Variants in DNMBP observed in about 807,000 individuals in gnomAD.
The protein encoded by DNMBP is dynamin binding protein, also known as dynamin-binding protein.
A neutral mutation model predicts 150.0 loss-of-function variants in DNMBP; 87 were observed. The ratio of observed to expected loss-of-function variants is 0.58; its 90% CI spans 0.49 to 0.69. The LOEUF is 0.69. Among genes scored for constraint, DNMBP ranks in the 30% least tolerant of loss-of-function variants. The pLI, the probability that DNMBP is intolerant of heterozygous loss-of-function variation, is 0.00. For synonymous variants in DNMBP, 711 were observed against 750.4 expected, an observed-to-expected ratio of 0.95 and a Z score of 0.86; for missense variants, 1,774 against 1,949.0, an observed-to-expected ratio of 0.91 and a Z score of 1.69.
intron 3 of DNMBP, among the ~76,000 whole-genome samples, chr10:99,959,513 A>G (rs1377663094): frequency 6.6e-6 from 1 of 151,764 alleles, no homozygotes. Context: ...CAAAAAAACC[A>G]CCCAAAAAAA....
At chr10:99,986,926 G>A (rs962136460) in intron 1 of DNMBP, among the ~76,000 whole-genome samples, 12 of 150,278 alleles carry the variant, frequency 8.0e-5, no homozygotes, top group African/African-American at 2.0e-4. Flanking sequence ...AGGCCGAGGC[G>A]GGCGGATCAC....
At chr10:99,884,328 C>G in intron 14 of DNMBP, 119 bp from the exon 15 acceptor site, 1 of 849,032 alleles carries the variant, frequency 1.2e-6, no homozygotes, top group Non-Finnish European at 1.8e-6. Context: ...CTGCCCATCT[C>G]ACTCCCATCA....
At chr10:99,968,011 A>G (rs1442687389) in intron 3 of DNMBP, among the ~76,000 whole-genome samples, 1 of 152,120 alleles carries the variant, frequency 6.6e-6, no homozygotes, top group African/African-American at 2.4e-5. Flanking sequence ...ATATTTATAT[A>G]TTTATGTATT....
chr10:99,965,124 A>G (rs887525208), intron 3 of DNMBP, among the ~76,000 whole-genome samples: 16 of 152,306 alleles, frequency 1.1e-4, no homozygotes, highest in Admixed American at 5.9e-4. Context: ...AAGAATAGCT[A>G]GCATTTACTG....
At chr10:99,938,985 ACTAT>A (rs1222825289) in intron 4 of DNMBP, among the ~76,000 whole-genome samples, 1 of 152,142 alleles carries the variant, frequency 6.6e-6, no homozygotes, top group African/African-American at 2.4e-5. Flanking sequence ...GGCCATCATG[ACTAT>A]CTGTGTGATG....
chr10:100,004,979 T>C (rs1033750162), intron 1 of DNMBP, among the ~76,000 whole-genome samples: 1 of 152,086 alleles, frequency 6.6e-6, no homozygotes, highest in Non-Finnish European at 1.5e-5. Flanking sequence ...AATAAGCAAT[T>C]TACAGAGGAA....
chr10:99,909,192 A>T (rs1006323256), intron 4 of DNMBP, 46 bp from the exon 5 acceptor site: 2 of 1,510,270 alleles, frequency 1.3e-6, no homozygotes, highest in African/African-American at 2.8e-5. Context: ...GTGTAAAAGC[A>T]GCACCCTTCC....
At chr10:99,982,572 C>T (rs1489148952) in intron 1 of DNMBP, among the ~76,000 whole-genome samples, 1 of 152,136 alleles carries the variant, frequency 6.6e-6, no homozygotes, top group African/African-American at 2.4e-5. Flanking sequence ...TGGAGACATA[C>T]ATTTTGAAGG....
At position 99,898,053 on chromosome 10, in the gene DNMBP, A is replaced by G. The variant is rs1236305722; in HGVS notation, c.2920+33T>C. 11 of 1,578,602 alleles carry G rather than the reference A, an allele frequency of 7.0e-6. No homozygotes were observed. In the African/African-American group the frequency reaches 1.3e-4, roughly 19 times the overall value. On this transcript the variant is annotated intron_variant, in intron 9 of 16. Transcript: ENST00000324109. ...GAGAAGAAAAGCATTCTCAAAGGGC[A>G]TACCTCCTTTTCAGCAATTATGCTG... is the stretch of plus-strand genomic sequence containing the variant.
chr10:99,994,475 G>A (rs1297118031), intron 1 of DNMBP, among the ~76,000 whole-genome samples: 4 of 152,046 alleles, frequency 2.6e-5, no homozygotes, highest in South Asian at 2.1e-4. Context: ...GGCTCTAGGC[G>A]GGGCCAACTT....
intron 4 of DNMBP, among the ~76,000 whole-genome samples, chr10:99,931,463 A>G (rs1164777798): frequency 7.9e-5 from 12 of 152,180 alleles, no homozygotes; most frequent in Admixed American, 7.2e-4. Context: ...AAGAAAAAGT[A>G]CTTCCTTTTA....
intron 1 of DNMBP, among the ~76,000 whole-genome samples, chr10:100,004,576 A>T (rs1409401901): frequency 6.6e-6 from 1 of 152,186 alleles, no homozygotes; most frequent in Non-Finnish European, 1.5e-5. Context: ...TTGACATGTT[A>T]TTAGAAAAAC....
intron 15 of DNMBP, 84 bp downstream of exon 15, chr10:99,883,927 T>C (rs2039410341): frequency 2.2e-6 from 3 of 1,343,200 alleles, no homozygotes; most frequent in Admixed American, 2.2e-5. Flanking sequence ...TGCTTTTTTT[T>C]CCTGGCCTAG....
chr10:99,890,986 T>C (rs986705886), intron 11 of DNMBP, among the ~76,000 whole-genome samples: 2 of 152,082 alleles, frequency 1.3e-5, no homozygotes, highest in African/African-American at 2.4e-5. Flanking sequence ...AAGTTGGCTA[T>C]TTACTCAATA....
chr10:100,005,071 C>T (rs372061244), intron 1 of DNMBP, among the ~76,000 whole-genome samples: 2 of 152,072 alleles, frequency 1.3e-5, no homozygotes, highest in African/African-American at 2.4e-5. Context: ...TTTGTGCTTA[C>T]GAGATTGAAA....
intron 11 of DNMBP, among the ~76,000 whole-genome samples, chr10:99,891,512 T>C (rs1249954145): frequency 6.6e-6 from 1 of 151,986 alleles, no homozygotes; most frequent in African/African-American, 2.4e-5. Context: ...TGGCGTGATC[T>C]CGGCTCGCTA....
At chr10:99,906,146 A>AT (rs2039822492) in intron 6 of DNMBP, among the ~76,000 whole-genome samples, 1 of 151,898 alleles carries the variant, frequency 6.6e-6, no homozygotes, top group South Asian at 2.1e-4. Flanking sequence ...CAGAACCCTG[A>AT]TTTTTTTCCT....
chr10:99,919,884 A>C (rs759488038), intron 4 of DNMBP, among the ~76,000 whole-genome samples: 1 of 152,212 alleles, frequency 6.6e-6, no homozygotes, highest in African/African-American at 2.4e-5. Context: ...GGAATAGCAA[A>C]ATAACTGGAG....
At chr10:99,945,702 T>C (rs1223811380) in intron 4 of DNMBP, among the ~76,000 whole-genome samples, 1 of 152,232 alleles carries the variant, frequency 6.6e-6, no homozygotes, top group Non-Finnish European at 1.5e-5. Context: ...TCCAGTGTTT[T>C]CCACTGCTTA....
Sources: allele counts gnomAD v4.1 joint callset (sites outside exome capture counted in the v4.1 genomes callset), GRCh38; gene constraint gnomAD v4.1.1; transcripts MANE v1.5; gene names NCBI Gene and HGNC (gene_info 2026-07-23, HGNC 2026-07-21).